The following BEND6 variants were observed in gnomAD, a reference collection of about 807,000 sequenced individuals.
BEND6 encodes the protein BEN domain containing 6, also known as BEN domain-containing protein 6.
In BEND6, 24 loss-of-function variants were observed where a neutral mutation model predicts 31.8. That is an observed-to-expected ratio of 0.75 (90% CI 0.55 to 1.06). BEND6 has a LOEUF of 1.06. Ranked by LOEUF, BEND6 falls within the 50% of genes least tolerant of loss-of-function variation. The pLI is 0.00. For missense variants in BEND6, 294 were observed against 327.4 expected (o/e 0.90, Z 0.79); for synonymous variants, 109 against 114.6 (o/e 0.95, Z 0.31).
intron 3 of BEND6, among the ~76,000 whole-genome samples, chr6:57,000,634 A>G (rs1473882134): frequency 1.2e-5 from 1 of 84,158 alleles, no homozygotes; most frequent in Non-Finnish European, 2.5e-5. Flanking sequence ...TGAGATAATG[A>G]AAAAAAAAAA....
intron 1 of BEND6, among the ~76,000 whole-genome samples, chr6:56,972,477 A>T (rs1825724759): frequency 6.6e-6 from 1 of 152,254 alleles, no homozygotes; most frequent in African/African-American, 2.4e-5. Context: ...GCAGGAATTA[A>T]TAAAGTTTAA....
intron 3 of BEND6, among the ~76,000 whole-genome samples, chr6:56,999,541 C>T (rs946194436): frequency 1.3e-5 from 2 of 152,242 alleles, no homozygotes; most frequent in Admixed American, 6.5e-5. Context: ...CACCTCTGGG[C>T]GCTTGGTGGC....
chr6:56,973,033 T>C (rs926957979), intron 1 of BEND6, among the ~76,000 whole-genome samples: 1 of 152,230 alleles, frequency 6.6e-6, no homozygotes, highest in Non-Finnish European at 1.5e-5. Context: ...AGAAGTTCTC[T>C]ACTTTATTGC....
At chr6:56,964,387 T>A (rs139334113) in intron 1 of BEND6, among the ~76,000 whole-genome samples, 5 of 152,358 alleles carry the variant, frequency 3.3e-5, no homozygotes, top group Admixed American at 1.3e-4. Flanking sequence ...GGATGTACAT[T>A]TGCCCAAGGT....
chr6:57,024,146 A>G (rs1421594123), intron 6 of BEND6, among the ~76,000 whole-genome samples: 1 of 152,130 alleles, frequency 6.6e-6, no homozygotes, highest in Non-Finnish European at 1.5e-5. Context: ...TCTCATTGAC[A>G]TGTTTTTATA....
chr6:57,021,031 C>A (rs1374949360), intron 6 of BEND6, among the ~76,000 whole-genome samples: 1 of 152,152 alleles, frequency 6.6e-6, no homozygotes, highest in East Asian at 1.9e-4. Flanking sequence ...AAGGAACAGA[C>A]ATTTTGCTAT....
intron 3 of BEND6, among the ~76,000 whole-genome samples, chr6:56,994,757 C>A (rs1201787149): frequency 6.6e-6 from 1 of 151,946 alleles, no homozygotes; most frequent in African/African-American, 2.4e-5. Context: ...ATAATCCATC[C>A]CCCAAAAAAC....
intron 4 of BEND6, among the ~76,000 whole-genome samples, chr6:57,015,851 T>C (rs910632751): frequency 3.3e-5 from 5 of 150,530 alleles, no homozygotes; most frequent in Non-Finnish European, 5.9e-5. Flanking sequence ...GCGCTTGACC[T>C]AGCCTGAGGA....
chr6:56,983,334 A>G (rs1826135586), intron 2 of BEND6, among the ~76,000 whole-genome samples: 1 of 152,220 alleles, frequency 6.6e-6, no homozygotes, highest in Non-Finnish European at 1.5e-5. Flanking sequence ...CACATGTTGC[A>G]TGAATCCCAA....
chr6:57,007,023 C>T (rs1827182189), intron 3 of BEND6, among the ~76,000 whole-genome samples: 1 of 152,188 alleles, frequency 6.6e-6, no homozygotes, highest in East Asian at 1.9e-4. Context: ...GGCACGGTGA[C>T]TTACACCTGT....
At chr6:57,019,286 T>C (rs934255568) in intron 6 of BEND6, among the ~76,000 whole-genome samples, 2 of 152,168 alleles carry the variant, frequency 1.3e-5, no homozygotes, top group African/African-American at 4.8e-5. Context: ...CCTGGCTAGC[T>C]CACTTTTACT....
At chr6:56,994,942 C>T (rs907116524) in intron 3 of BEND6, among the ~76,000 whole-genome samples, 73 of 152,238 alleles carry the variant, frequency 4.8e-4, no homozygotes, top group African/African-American at 1.6e-3. Flanking sequence ...CTTCTTAATT[C>T]TCAGTTGATG....
rs1225887070 is a variant in BEND6 at position 56,992,573 on chromosome 6, T to C, written c.298+18T>C. 5 of 1,596,812 alleles carry C rather than the reference T, an allele frequency of 3.1e-6. No individual in the cohort carries two copies. Among genetic ancestry groups the C allele is most frequent in the Non-Finnish European group, 4.3e-6 (5 of 1,174,192 alleles). ...GCTTCAAGGTAAACTTTGAGAAAAT[T>C]GACATTTTAGATAAAAGGGAAAGTA... On this transcript the variant is annotated intron_variant, in intron 3 of 6. Transcript: ENST00000370746.
chr6:56,979,382 T>C (rs149772616), intron 1 of BEND6, among the ~76,000 whole-genome samples: 138 of 152,336 alleles, frequency 9.1e-4, no homozygotes, highest in Admixed American at 3.7e-3. Context: ...ATTGTACACT[T>C]TAAATGGATG....
At chr6:57,023,485 T>G (rs929376964) in intron 6 of BEND6, among the ~76,000 whole-genome samples, 9 of 152,218 alleles carry the variant, frequency 5.9e-5, no homozygotes, top group African/African-American at 2.2e-4. Flanking sequence ...TTCTACACCT[T>G]CACTTTCAAT....
At chr6:56,977,669 A>G (rs528177454) in intron 1 of BEND6, among the ~76,000 whole-genome samples, 8 of 152,348 alleles carry the variant, frequency 5.3e-5, no homozygotes, top group African/African-American at 1.9e-4. Context: ...TTTAAAGTAT[A>G]TGATTCAGCC....
intron 1 of BEND6, among the ~76,000 whole-genome samples, chr6:56,962,402 A>G (rs1235324100): frequency 1.3e-5 from 2 of 152,120 alleles, no homozygotes. Context: ...GAAGCTGGTT[A>G]TTTCATTATG....
intron 1 of BEND6, among the ~76,000 whole-genome samples, chr6:56,975,167 T>C (rs1330090586): frequency 1.3e-5 from 2 of 152,058 alleles, no homozygotes; most frequent in African/African-American, 4.8e-5. Flanking sequence ...GCACCTTAGG[T>C]AAAGCTGATC....
intron 4 of BEND6, among the ~76,000 whole-genome samples, chr6:57,016,629 CA>C (rs1258481727): frequency 6.6e-6 from 1 of 152,208 alleles, no homozygotes; most frequent in African/African-American, 2.4e-5. Flanking sequence ...CCAGCAACAG[CA>C]AGTGAAGTCC....
Sources: gnomAD v4.1 joint callset for allele counts (sites outside exome capture counted in the v4.1 genomes callset) on GRCh38, gnomAD v4.1.1 for gene constraint, MANE v1.5 for transcripts, NCBI Gene and HGNC (gene_info 2026-07-23, HGNC 2026-07-21) for gene names.